The following NEB variants were observed in gnomAD, a reference collection of about 807,000 sequenced individuals.
NEB encodes the protein nebulin, also known as nemaline myopathy type 2.
In NEB, 512 loss-of-function variants were observed where a neutral mutation model predicts 952.2. The ratio of observed to expected loss-of-function variants is 0.54; its 90% CI spans 0.50 to 0.58. The LOEUF (loss-of-function observed/expected upper bound fraction) is 0.58. NEB is among the 20% of genes least tolerant of loss of function. The pLI is 0.00. For missense variants in NEB, 8,428 were observed against 9,231.1 expected (o/e 0.91, Z 3.56); for synonymous variants, 2,900 against 3,149.8 (o/e 0.92, Z 2.66).
At chr2:151,515,793 T>C (rs968630441) in intron 157 of NEB, among the ~76,000 whole-genome samples, 7 of 152,242 alleles carry the variant, frequency 4.6e-5, no homozygotes, top group Non-Finnish European at 8.8e-5. Flanking sequence ...TTTTAAAGTT[T>C]TGATGACCTG....
chr2:151,618,326 C>CG lies in NEB; in HGVS notation c.11024dup (p.Asp3676GlyfsTer17), dbSNP rs1560500587. 1 of 1,613,894 alleles carries CG rather than the reference C, an allele frequency of 6.2e-7. No homozygotes were observed. The highest frequency in any genetic ancestry group is 2.2e-5 in the East Asian group (1 of 44,886). On this transcript the variant is annotated frameshift_variant, in exon 74 of 182. Transcript: ENST00000397345. LOFTEE classifies it high-confidence loss of function. ...TTGCCAGCACCTGCTCCGGAGTGTC[C>CG]GTTATACTGGTAAATTTCAGCGTTT...
At chr2:151,702,447 T>C (rs1023631533) in intron 13 of NEB, among the ~76,000 whole-genome samples, 1 of 152,168 alleles carries the variant, frequency 6.6e-6, no homozygotes, top group African/African-American at 2.4e-5. Context: ...CGTTGATCTG[T>C]CTAATGTTGA....
At position 151,567,285 on chromosome 2, in the gene NEB, C is replaced by T. The variant is rs749434786; in HGVS notation, c.18039G>A (p.Lys6013=). ...TATCACTGACAAGGGTCTGCCCCTG[C>T]TTGGCGGCCAAGACTGACACCATAT... is the stretch of plus-strand genomic sequence containing the variant. ...PADMVSVLAA[K]QGQTLVSDID... Residue 6013 remains lysine (K), a synonymous_variant, in exon 114 of 182, where the codon AAG becomes AAA. Coordinates refer to ENST00000397345, the MANE Select transcript of NEB (RefSeq NM_001164508.2). 6.2e-7 allele frequency: 1 copy of T among 1,613,930 alleles called. No individual in the cohort carries two copies. The highest frequency in any genetic ancestry group is 2.2e-5 in the East Asian group (1 of 44,876).
At chr2:151,497,756 G>A in intron 170 of NEB, 38 bp from the exon 171 acceptor site, 1 of 1,552,948 alleles carries the variant, frequency 6.4e-7, no homozygotes, top group Non-Finnish European at 8.7e-7. Flanking sequence ...ACAACCATGA[G>A]TAACATTTCA....
At chr2:151,568,565 T>A in intron 111 of NEB, 53 bp downstream of exon 111, 1 of 1,488,664 alleles carries the variant, frequency 6.7e-7, no homozygotes, top group South Asian at 1.2e-5. Flanking sequence ...ATGGAAAAGC[T>A]TTGGAAGTGA....
Position 151,567,326 on chromosome 2 carries a change from T to G in NEB, c.17998A>C (p.Ile6000Leu). 6.2e-7 allele frequency: 1 copy of G among 1,613,902 alleles called. No individual in the cohort carries two copies. The highest frequency in any genetic ancestry group is 8.5e-7 in the Non-Finnish European group (1 of 1,179,852). Residue 6000 changes from isoleucine (I) to leucine (L), a missense_variant, in exon 114 of 182, where the codon ATC becomes CTC. Coordinates refer to ENST00000397345, the MANE Select transcript of NEB (RefSeq NM_001164508.2). ...KEDYHKTKAK[I>L]NIPADMVSVL... is the part of the protein sequence containing the mutation. Reference sequence around the variant, plus strand: ...GACACCATATCAGCAGGTATATTGATTTTGGCCTTTGTTTTGTGATAGTCC... The same window carrying G: ...GACACCATATCAGCAGGTATATTGAGTTTGGCCTTTGTTTTGTGATAGTCC...
rs760727812 is a variant in NEB at position 151,565,529 on chromosome 2, G to A, written c.18338C>T (p.Ala6113Val). The change falls in exon 116 of 182, where the codon GCC (alanine) becomes GTC (valine). Residue 6113 changes from alanine to valine, a missense_variant. Around this residue, in one of 11 missense-constraint regions of NEB, gnomAD observed 3,374 missense variants for 3,651.5 expected, o/e 0.92. Coordinates refer to ENST00000397345, the MANE Select transcript of NEB (RefSeq NM_001164508.2). ...SVVDPPEIVL[A>V]KINSVNQSDV... The stretch of plus-strand genomic sequence containing the variant: ...ACTTTGATTGACAGAATTAATCTTG[G>A]CTAAAACAATCTCTGGAGGATCCAC... The A allele has an allele frequency of 2.5e-6, 4 of 1,598,866 alleles. No homozygotes were observed. The highest frequency in any genetic ancestry group is 1.7e-5 in the Admixed American group (1 of 59,366).
At position 151,717,379 on chromosome 2, in the gene NEB, C is replaced by T. The variant is rs2099761921; in HGVS notation, c.822+37G>A. On this transcript the variant is annotated intron_variant, in intron 10 of 181. Coordinates refer to ENST00000397345, the MANE Select transcript of NEB (RefSeq NM_001164508.2). Reference sequence around the variant, plus strand: ...GATGGTTGAAATTATTAAGCAGAGTCTTCAAGGGAGGCAATGTCCCAGCTC... The same window carrying T: ...GATGGTTGAAATTATTAAGCAGAGTTTTCAAGGGAGGCAATGTCCCAGCTC... 3 of 1,323,730 alleles carry T rather than the reference C, an allele frequency of 2.3e-6. No homozygotes were observed. The South Asian group carries it at 3.6e-5, about 16-fold the overall frequency. The allele number at this position is 1,323,730 out of a possible 1,614,324, so 82.0% of individuals were successfully genotyped here. A position where few individuals can be genotyped will look rare whatever the true frequency, so the allele number is the denominator to read the frequency against.
At chr2:151,703,045 GGCAGGCCT>G (rs1477590219) in intron 13 of NEB, among the ~76,000 whole-genome samples, 2 of 151,118 alleles carry the variant, frequency 1.3e-5, no homozygotes, top group African/African-American at 4.9e-5. Flanking sequence ...GCTCTTTTAG[GGCAGGCCT>G]GGTGGTGACA....
intron 146 of NEB, among the ~76,000 whole-genome samples, 191 bp downstream of exon 146, chr2:151,529,019 C>T (rs1374729513): frequency 6.6e-6 from 1 of 152,192 alleles, no homozygotes; most frequent in East Asian, 1.9e-4. Flanking sequence ...CTTTGCTCTT[C>T]CCTATGCTCC....
At position 151,651,590 on chromosome 2, in the gene NEB, C is replaced by T. The variant is rs117101614; in HGVS notation, c.6916-705G>A. On this transcript the variant is annotated intron_variant, in intron 52 of 181. Coordinates refer to ENST00000397345, the MANE Select transcript of NEB (RefSeq NM_001164508.2). ...AATTCCACAGGAGCTCAACATACTG[C>T]CAAATGGGTCAAAATGATTACATAA... Among the ~76,000 whole-genome samples the T allele has an allele frequency of 4.2e-3, 635 of 152,076 alleles. 16 individuals carry two copies. The East Asian group carries it at 0.072, about 17-fold the overall frequency.
chr2:151,486,879 G>T (rs1396395083), intron 181 of NEB: 4 of 152,182 alleles, frequency 2.6e-5, no homozygotes, highest in African/African-American at 9.7e-5. Context: ...ATGCCAATGG[G>T]CACCAGCATT....
In NEB at chr2:151,636,289, C is replaced by A; in HGVS notation, c.9040G>T (p.Asp3014Tyr). Residue 3014 changes from aspartate (D) to tyrosine (Y), a missense_variant, in exon 64 of 182, where the codon GAC becomes TAC. Coordinates refer to ENST00000397345, the MANE Select transcript of NEB (RefSeq NM_001164508.2). ...ANEEAKKKGY[D>Y]LRSDAIPIVA... ...ATGGGGATGGCGTCGCTTCGCAAGT[C>A]ATAGCCTTTCTTCTTTGCTTCTTCA... is the stretch of plus-strand genomic sequence containing the variant. 6.2e-7 allele frequency: 1 copy of A among 1,609,578 alleles called. No individual in the cohort carries two copies. Among genetic ancestry groups the A allele is most frequent in the South Asian group, 1.1e-5 (1 of 91,056 alleles).
intron 161 of NEB, among the ~76,000 whole-genome samples, chr2:151,512,019 C>CT (rs71403173): frequency 0.01 from 949 of 93,574 alleles, 105 homozygotes; most frequent in African/African-American, 0.017. Flanking sequence ...CCCTCTCACT[C>CT]TTTTTTTTTT....
intron 168 of NEB, among the ~76,000 whole-genome samples, chr2:151,500,891 G>A (rs1414193365): frequency 1.3e-5 from 2 of 152,074 alleles, no homozygotes; most frequent in African/African-American, 2.4e-5. Context: ...GAGCCACCAC[G>A]CCTGGCCCCA....
rs1201003793 is a variant in NEB, at chr2:151,677,928, G to C, written c.3515C>G (p.Pro1172Arg). Residue 1172 changes from proline to arginine, a missense_variant, in exon 33 of 182, where the codon CCT becomes CGT. This residue lies in a region of NEB where 2,851 missense variants were observed against 2,791.5 expected (regional missense o/e 1.02). Coordinates refer to ENST00000397345, the MANE Select transcript of NEB (RefSeq NM_001164508.2). ...AGACAGCTCCAGGTCCATGGCGTCAGGCAAGTAGGTGTAATGATGGAGAGA... is the reference window on the plus strand; with the variant it reads ...AGACAGCTCCAGGTCCATGGCGTCACGCAAGTAGGTGTAATGATGGAGAGA... ...KHSLHHYTYLPDAMDLELSKN... is the reference protein window; with the variant it reads ...KHSLHHYTYLRDAMDLELSKN... The C allele has an allele frequency of 1.2e-6, 2 of 1,613,834 alleles. No individual in the cohort carries two copies. Among genetic ancestry groups the C allele is most frequent in the Non-Finnish European group, 1.7e-6 (2 of 1,179,800 alleles).
rs1325244698 is a variant in NEB at position 151,620,962 on chromosome 2, A to T, written c.10517T>A (p.Ile3506Asn). ...KEGYDLRSDA[I>N]PIVAAKASRD... ...AGAGGCCTTGGCAGCCACAATGGGA[A>T]TGGCATCACTTCTCAAGTCATAGCC... The change falls in exon 72 of 182, where the codon ATT becomes AAT. Residue 3506 changes from isoleucine (I) to asparagine (N), a missense_variant. Ile to Asn is a moderately radical substitution (Grantham distance 149). This residue lies in a region of NEB where 1,772 missense variants were observed against 1,960.3 expected (regional missense o/e 0.90). Coordinates refer to ENST00000397345, the MANE Select transcript of NEB (RefSeq NM_001164508.2). 1 of 1,613,062 alleles carries T rather than the reference A, an allele frequency of 6.2e-7. No individual in the cohort carries two copies. Among genetic ancestry groups the T allele is most frequent in the East Asian group, 2.2e-5 (1 of 44,800 alleles).
intron 29 of NEB, 57 bp from the exon 30 acceptor site, chr2:151,680,885 GTCAAAA>G: frequency 1.5e-6 from 2 of 1,299,778 alleles, no homozygotes; most frequent in Non-Finnish European, 2.2e-6. Flanking sequence ...AGATTAATAC[GTCAAAA>G]TCCTTGAAAT....
rs780175627 is a variant in NEB at position 151,644,038 on chromosome 2, T to A, written c.7736A>T (p.His2579Leu). 6 of 1,613,998 alleles carry A rather than the reference T, an allele frequency of 3.7e-6. No individual in the cohort carries two copies. In the South Asian group the frequency reaches 6.6e-5, roughly 18 times the overall value. ...EDDPKMMWSM[H>L]VAKIQSDREY... ...CCTGTCACTCTGGATCTTGGCCACA[T>A]GCATGGACCACATCATCTTGGGGTC... Residue 2579 changes from histidine (H) to leucine (L), a missense_variant, in exon 57 of 182, where the codon CAT becomes CTT. Coordinates refer to ENST00000397345, the MANE Select transcript of NEB (RefSeq NM_001164508.2).
Sources: allele counts gnomAD v4.1 joint callset (sites outside exome capture counted in the v4.1 genomes callset), GRCh38; gene constraint gnomAD v4.1.1; regional missense constraint gnomAD v4.1.1; transcripts MANE v1.5; gene names NCBI Gene and HGNC (gene_info 2026-07-23, HGNC 2026-07-21).